DNA2: variants seen among roughly 807,000 people sequenced by gnomAD.
The protein encoded by DNA2 is DNA replication helicase/nuclease 2.
A neutral mutation model predicts 119.1 loss-of-function variants in DNA2; 101 were observed. The observed-to-expected ratio is 0.85, with a 90% CI of 0.72 to 1.00. The LOEUF (loss-of-function observed/expected upper bound fraction) is 1.00. DNA2 is among the 50% of genes least tolerant of loss of function. DNA2 has a pLI of 0.00. For synonymous variants in DNA2, 366 were observed against 424.4 expected, an observed-to-expected ratio of 0.86 and a Z score of 1.69; for missense variants, 1,121 against 1,255.5, an observed-to-expected ratio of 0.89 and a Z score of 1.62.
intron 14 of DNA2, chr10:68,424,879 C>A: frequency 1.3e-6 from 1 of 750,986 alleles, no homozygotes; most frequent in Non-Finnish European, 2.5e-6. Context: ...GTGGTTATCA[C>A]CAGGCTAAAT....
chr10:68,463,076 G>A (rs2052279457), intron 4 of DNA2, among the ~76,000 whole-genome samples: 1 of 151,756 alleles, frequency 6.6e-6, no homozygotes, highest in Admixed American at 6.6e-5. Context: ...AGGTTGCAAT[G>A]AGCCGAGATC....
chr10:68,453,179 G>A (rs945718573), intron 5 of DNA2, among the ~76,000 whole-genome samples: 4 of 152,086 alleles, frequency 2.6e-5, no homozygotes, highest in African/African-American at 9.7e-5. Context: ...GGGATTACAG[G>A]CGTGAGCCAC....
intron 4 of DNA2, among the ~76,000 whole-genome samples, chr10:68,460,265 C>T (rs1410866970): frequency 6.6e-6 from 1 of 151,826 alleles, no homozygotes; most frequent in Non-Finnish European, 1.5e-5. Context: ...CACCACCATG[C>T]TAAGGTAATT....
intron 10 of DNA2, among the ~76,000 whole-genome samples, chr10:68,435,051 AT>A (rs766652426): frequency 0.028 from 4,186 of 147,778 alleles, 175 homozygotes; most frequent in African/African-American, 0.093. Flanking sequence ...CTCTGCCACA[AT>A]TTTTTTTTTT....
chr10:68,430,448 G>T lies in DNA2; in HGVS notation c.2196C>A (p.Leu732=). The T allele has an allele frequency of 6.3e-7, 1 of 1,595,664 alleles. No homozygotes were observed. Among genetic ancestry groups the T allele is most frequent in the Non-Finnish European group, 8.6e-7 (1 of 1,167,608 alleles). The stretch of plus-strand genomic sequence containing the variant: ...TAATTGTGCTTACTTGACTATTGTA[G>T]AGTTCTTCTAGAAGAGCTAAGGATT... The part of the protein sequence containing the change: ...SIKSLALLEE[L]YNSQLIVATT... Residue 732 remains leucine (L), a synonymous_variant, in exon 14 of 21, where the codon CTC becomes CTA. Transcript: ENST00000358410.
At chr10:68,465,068 G>A (rs1232776383) in intron 4 of DNA2, among the ~76,000 whole-genome samples, 1 of 149,706 alleles carries the variant, frequency 6.7e-6, no homozygotes, top group East Asian at 2.0e-4. Context: ...ACCCAGGCTG[G>A]AGTGCAGTGG....
Position 68,468,168 on chromosome 10 carries a change from A to C in DNA2, c.396T>G (p.Ser132Arg). 6.2e-7 allele frequency: 1 copy of C among 1,610,318 alleles called. No individual in the cohort carries two copies. Among genetic ancestry groups the C allele is most frequent in the African/African-American group, 1.3e-5 (1 of 74,982 alleles). The change falls in exon 3 of 21, where the codon AGT becomes AGG. Residue 132 changes from serine (S) to arginine (R), a missense_variant. Physicochemically the swap from Ser to Arg is moderately radical, Grantham distance 110 (BLOSUM62 -1). Transcript: ENST00000358410. ...CAGCTCTTCTCATACATCGAATACT[A>C]CTGGCTATGCTGGTGCCAGAAATCA... ...DMLISGTSIASSIRCMRRAVL... is the reference protein window; with the variant it reads ...DMLISGTSIARSIRCMRRAVL...
At chr10:68,469,342 C>T (rs945492373) in intron 2 of DNA2, among the ~76,000 whole-genome samples, 32 of 139,916 alleles carry the variant, frequency 2.3e-4, no homozygotes, top group Admixed American at 5.5e-4. Flanking sequence ...TCAGGGGATT[C>T]GAGACCATCC....
In DNA2 at chr10:68,450,231, T is replaced by C. The variant is rs878905287; in HGVS notation, c.736A>G (p.Lys246Glu). 1.3e-6 allele frequency: 2 copies of C among 1,577,648 alleles called. No individual in the cohort carries two copies. Among genetic ancestry groups the C allele is most frequent in the Admixed American group, 3.7e-5 (2 of 53,638 alleles). The change falls in exon 6 of 21, where the codon AAG becomes GAG. Residue 246 changes from lysine (K) to glutamate (E), a missense_variant. By Grantham distance (56) the Lys-to-Glu change is moderately conservative. Coordinates refer to ENST00000358410, the MANE Select transcript of DNA2 (RefSeq NM_001080449.3). ...TCAATGTTACATGTTGAATTATCCT[T>C]ACTATTATCACTTGGCCTGAAAAAA... The part of the protein sequence containing the change: ...MQLSLPSDNS[K>E]DNSTCNIEVV...
chr10:68,469,320 C>T (rs989534701), intron 2 of DNA2, among the ~76,000 whole-genome samples: 13 of 143,624 alleles, frequency 9.1e-5, no homozygotes, highest in Non-Finnish European at 6.0e-5. Context: ...CCGAGGTGGG[C>T]GGATCACGAG....
Position 68,430,461 on chromosome 10 carries a change from A to G in DNA2, c.2183T>C (p.Leu728Pro). Residue 728 changes from leucine (L) to proline (P), a missense_variant, in exon 14 of 21, where the codon CTT becomes CCT. Transcript: ENST00000358410. ...CRSKSIKSLA[L>P]LEELYNSQLI... ...TTGACTATTGTAGAGTTCTTCTAGA[A>G]GAGCTAAGGATTTAATGGACTTTGA... 1 of 1,606,972 alleles carries G rather than the reference A, an allele frequency of 6.2e-7. No individual in the cohort carries two copies. The highest frequency in any genetic ancestry group is 8.5e-7 in the Non-Finnish European group (1 of 1,176,094).
intron 4 of DNA2, among the ~76,000 whole-genome samples, chr10:68,460,277 T>C (rs1349495753): frequency 6.6e-6 from 1 of 152,018 alleles, no homozygotes; most frequent in South Asian, 2.1e-4. Context: ...AAGGTAATTT[T>C]TCTGTATTTT....
chr10:68,422,290 C>G lies in DNA2; in HGVS notation c.2632G>C (p.Asp878His). 1 of 1,613,694 alleles carries G rather than the reference C, an allele frequency of 6.2e-7. No homozygotes were observed. Among genetic ancestry groups the G allele is most frequent in the Non-Finnish European group, 8.5e-7 (1 of 1,179,792 alleles). The change falls in exon 17 of 21, where the codon GAT (aspartate) becomes CAT (histidine). Residue 878 changes from aspartate (D) to histidine (H), a missense_variant. Physicochemically the swap from Asp to His is moderately conservative, Grantham distance 81. Coordinates refer to ENST00000358410, the MANE Select transcript of DNA2 (RefSeq NM_001080449.3). ...LELEFYADYS[D>H]NPWLMGVFEP... is the part of the protein sequence containing the mutation. ...AATACTCCCATCAACCAAGGATTAT[C>G]AGAATAGTCAGCATAAAATTCCAGT...
chr10:68,414,227 T>C lies in DNA2; in HGVS notation c.*812A>G, dbSNP rs892417982. ...CCAGAAGAATCTGTTACCCCAAGAA[T>C]CTTTTAACCTTTGTTAAAATCTGTT... On this transcript the variant is annotated 3_prime_UTR_variant, in exon 21 of 21. Coordinates refer to ENST00000358410, the MANE Select transcript of DNA2 (RefSeq NM_001080449.3). 3 of 151,976 alleles carry C rather than the reference T, an allele frequency of 2.0e-5. No homozygotes were observed. The East Asian group carries it at 5.8e-4, about 29-fold the overall frequency. The allele number at this position is 151,976 out of a possible 1,614,324, so 9.4% of individuals were successfully genotyped here.
intron 4 of DNA2, chr10:68,461,633 A>C (rs2133437440): frequency 6.6e-6 from 1 of 152,282 alleles, no homozygotes; most frequent in Middle Eastern, 3.4e-3. Context: ...GTTTGAGATC[A>C]GCCTGACCAA....
chr10:68,457,221 T>C (rs2052196832), intron 5 of DNA2, among the ~76,000 whole-genome samples: 2 of 152,118 alleles, frequency 1.3e-5, no homozygotes, highest in Admixed American at 6.6e-5. Flanking sequence ...ACCAGGATGA[T>C]AAGGCTCCAG....
upstream of DNA2, among the ~76,000 whole-genome samples, chr10:68,472,289 C>T (rs2133456549): frequency 6.6e-6 from 1 of 152,324 alleles, no homozygotes; most frequent in Middle Eastern, 3.4e-3. Flanking sequence ...TGAACACAAC[C>T]ACATTTGTAG....
intron 14 of DNA2, chr10:68,425,088 C>CTTTTTTTTTTTTTTTTTTTT (rs60065153): frequency 8.2e-6 from 1 of 122,572 alleles, no homozygotes; most frequent in African/African-American, 5.6e-5. Context: ...TGGAACATTT[C>CTTTTTTTTTTTTTTTTTTTT]TTTTTTTTTT....
chr10:68,458,619 C>A (rs1013328954), intron 5 of DNA2, among the ~76,000 whole-genome samples: 1 of 151,118 alleles, frequency 6.6e-6, no homozygotes, highest in African/African-American at 2.4e-5. Flanking sequence ...GAGGCTGAGG[C>A]GGGTGGATCA....
Sources: gnomAD v4.1 joint callset for allele counts (sites outside exome capture counted in the v4.1 genomes callset) on GRCh38, gnomAD v4.1.1 for gene constraint, MANE v1.5 for transcripts, NCBI Gene and HGNC (gene_info 2026-07-23, HGNC 2026-07-21) for gene names.